Variants in KIAA1328 observed in about 807,000 individuals in gnomAD.
KIAA1328 encodes protein hinderin.
Under a neutral mutation model 68.1 loss-of-function variants are expected in KIAA1328, and 52 were observed. The observed-to-expected ratio is 0.76, with a 90% confidence interval of 0.61 to 0.96. The LOEUF is 0.96. Ranked by LOEUF, KIAA1328 falls within the 40% of genes least tolerant of loss-of-function variation. The probability of loss-of-function intolerance (pLI) is 0.00; values close to 1 mark genes in which losing one functional copy is unlikely to be tolerated. For synonymous variants in KIAA1328, 232 were observed against 239.4 expected (o/e 0.97, Z 0.28); for missense variants, 641 against 677.6 (o/e 0.95, Z 0.60).
intron 9 of KIAA1328, among the ~76,000 whole-genome samples, chr18:37,198,599 T>C (rs2060047446): frequency 1.3e-5 from 2 of 152,276 alleles, no homozygotes; most frequent in African/African-American, 2.4e-5. Flanking sequence ...CAATAAAATA[T>C]TGAAAGTTCT....
Position 37,223,168 on chromosome 18 carries a change from C to T in KIAA1328, c.*941C>T. On this transcript the variant is annotated 3_prime_UTR_variant, in exon 10 of 10. Coordinates refer to ENST00000280020, the MANE Select transcript of KIAA1328 (RefSeq NM_020776.3). ...TGCAAAGCTGATGGGCTTCCTCTGG[C>T]CCTCCCTTTTCCTCCACGAGGATTA... The T allele has an allele frequency of 1.0e-6, 1 of 984,510 alleles. No individual in the cohort carries two copies. Among genetic ancestry groups the T allele is most frequent in the Non-Finnish European group, 1.2e-6 (1 of 829,900 alleles). 61.0% of individuals were successfully genotyped at this position (984,510 alleles called of 1,614,324 possible). A position where few individuals can be genotyped will look rare whatever the true frequency, so the allele number is the denominator to read the frequency against.
At chr18:36,892,198 G>C (rs1286979651) in intron 5 of KIAA1328, among the ~76,000 whole-genome samples, 1 of 150,918 alleles carries the variant, frequency 6.6e-6, no homozygotes, top group Non-Finnish European at 1.5e-5. Context: ...GGAGTGGTAT[G>C]TCAGGAGAGG....
chr18:37,007,251 T>C lies in KIAA1328; in HGVS notation c.576+47816T>C, dbSNP rs543388799. ...CTCAAACTGTATGTATTCTGGAAAA[T>C]TGCATTTGAGGTTTAACCAATAAGG... On this transcript the variant is annotated intron_variant, in intron 6 of 9. Transcript: ENST00000280020. 5.9e-5 allele frequency among the ~76,000 whole-genome samples: 9 copies of C among 152,254 alleles called. No individual in the cohort carries two copies. In the South Asian group the frequency reaches 1.7e-3, roughly 28 times the overall value.
intron 7 of KIAA1328, among the ~76,000 whole-genome samples, chr18:37,094,959 A>C (rs910533140): frequency 2.0e-5 from 3 of 152,108 alleles, no homozygotes; most frequent in Admixed American, 2.0e-4. Context: ...ATGTCAAAAA[A>C]AAAAAACATC....
chr18:36,867,793 G>A (rs1472469328), intron 4 of KIAA1328, among the ~76,000 whole-genome samples: 1 of 152,094 alleles, frequency 6.6e-6, no homozygotes, highest in Non-Finnish European at 1.5e-5. Context: ...TATACTAGAC[G>A]GAACAATTGA....
intron 9 of KIAA1328, among the ~76,000 whole-genome samples, chr18:37,198,411 T>C (rs990723342): frequency 6.6e-6 from 1 of 152,218 alleles, no homozygotes; most frequent in African/African-American, 2.4e-5. Context: ...AGTGTCATTA[T>C]GTAAGATAAG....
Position 36,875,907 on chromosome 18 carries a change from C to CGAA in KIAA1328, c.333-9650_333-9649insGAA, listed in dbSNP as rs1271717728. On this transcript the variant is annotated intron_variant, in intron 4 of 9. Transcript: ENST00000280020. The stretch of plus-strand genomic sequence containing the variant: ...TGTTGAATTTTATCGAAGGCCTTTT[C>CGAA]TGCATCTATTGAGGTAATCGTGGTT... Among the ~76,000 whole-genome samples, 9 of 151,464 alleles carry CGAA rather than the reference C, an allele frequency of 5.9e-5. No individual in the cohort carries two copies. The East Asian group carries it at 1.5e-3, about 26-fold the overall frequency.
chr18:37,191,742 G>A (rs59224318), intron 9 of KIAA1328, among the ~76,000 whole-genome samples: 1,578 of 151,320 alleles, frequency 0.01, 16 homozygotes, highest in South Asian at 0.031. Context: ...TAACCCAAAC[G>A]TACAGGTGTA....
intron 7 of KIAA1328, among the ~76,000 whole-genome samples, chr18:37,125,388 A>T (rs1273070541): frequency 6.6e-6 from 1 of 152,184 alleles, no homozygotes; most frequent in Non-Finnish European, 1.5e-5. Flanking sequence ...ATAGCATTTA[A>T]TGCTTATATT....
chr18:36,887,050 G>A (rs2150987213), intron 5 of KIAA1328, among the ~76,000 whole-genome samples: 1 of 151,444 alleles, frequency 6.6e-6, no homozygotes, highest in African/African-American at 2.4e-5. Flanking sequence ...CTAGATGAGT[G>A]CTTTTTCAAT....
intron 6 of KIAA1328, among the ~76,000 whole-genome samples, chr18:36,973,543 T>C (rs533880086): frequency 1.5e-4 from 23 of 152,286 alleles, no homozygotes; most frequent in Admixed American, 3.3e-4. Flanking sequence ...ACACAAGTTA[T>C]TGTAGCCCAG....
At chr18:36,940,053 G>T (rs1305026267) in intron 5 of KIAA1328, among the ~76,000 whole-genome samples, 1 of 152,068 alleles carries the variant, frequency 6.6e-6, no homozygotes, top group Non-Finnish European at 1.5e-5. Context: ...AACAAGGTGG[G>T]AAAGACTGAT....
At chr18:37,142,809 C>T (rs1488141462) in intron 7 of KIAA1328, among the ~76,000 whole-genome samples, 1 of 152,080 alleles carries the variant, frequency 6.6e-6, no homozygotes, top group African/African-American at 2.4e-5. Context: ...AGGTTCTCTA[C>T]ATTTTAGATC....
At chr18:37,076,511 CA>C (rs1403946485) in intron 7 of KIAA1328, among the ~76,000 whole-genome samples, 2 of 151,662 alleles carry the variant, frequency 1.3e-5, no homozygotes, top group Non-Finnish European at 2.9e-5. Context: ...AATAGAGACA[CA>C]AAAAACCCTT....
At chr18:37,032,601 CATA>C (rs1191007902) in intron 6 of KIAA1328, among the ~76,000 whole-genome samples, 1 of 151,648 alleles carries the variant, frequency 6.6e-6, no homozygotes, top group African/African-American at 2.4e-5. Context: ...TCATCACTTT[CATA>C]ATATTGTATC....
chr18:36,836,188 T>C (rs558741673), intron 3 of KIAA1328, among the ~76,000 whole-genome samples: 1 of 152,292 alleles, frequency 6.6e-6, no homozygotes, highest in South Asian at 2.1e-4. Context: ...AGGATTTTAC[T>C]GTGATTGAAT....
intron 9 of KIAA1328, among the ~76,000 whole-genome samples, chr18:37,178,872 T>G (rs1424033490): frequency 1.3e-5 from 2 of 152,180 alleles, no homozygotes; most frequent in Non-Finnish European, 2.9e-5. Flanking sequence ...CATTTTAATG[T>G]TTTCCTTTGA....
At position 37,067,180 on chromosome 18, in the gene KIAA1328, A is replaced by C. The variant is rs1334127091; in HGVS notation, c.867A>C (p.Glu289Asp). 1 of 1,613,908 alleles carries C rather than the reference A, an allele frequency of 6.2e-7. No homozygotes were observed. The highest frequency in any genetic ancestry group is 8.5e-7 in the Non-Finnish European group (1 of 1,179,900). Reference protein sequence around the residue: ...AVPTEKMPQEELHMKECPHLK... With the variant: ...AVPTEKMPQEDLHMKECPHLK... Reference sequence around the variant, plus strand: ...CAACAGAGAAAATGCCACAAGAAGAATTGCACATGAAGGAATGTCCACATC... The same window carrying C: ...CAACAGAGAAAATGCCACAAGAAGACTTGCACATGAAGGAATGTCCACATC... Residue 289 changes from glutamate (E) to aspartate (D), a missense_variant, in exon 7 of 10, where the codon GAA becomes GAC. Physicochemically the swap from Glu to Asp is conservative, Grantham distance 45. Coordinates refer to ENST00000280020, the MANE Select transcript of KIAA1328 (RefSeq NM_020776.3).
intron 6 of KIAA1328, among the ~76,000 whole-genome samples, chr18:37,016,240 T>G (rs2054148419): frequency 6.6e-6 from 1 of 152,222 alleles, no homozygotes; most frequent in Non-Finnish European, 1.5e-5. Flanking sequence ...CTATTTTGCA[T>G]CTATCGAGAT....
Sources: gnomAD v4.1 joint callset for allele counts (sites outside exome capture counted in the v4.1 genomes callset) on GRCh38, gnomAD v4.1.1 for gene constraint, MANE v1.5 for transcripts, NCBI Gene and HGNC (gene_info 2026-07-23, HGNC 2026-07-21) for gene names.